SLC44A5: variants seen among roughly 807,000 people sequenced by gnomAD.
The protein encoded by SLC44A5 is choline transporter-like protein 5.
A neutral mutation model predicts 101.8 loss-of-function variants in SLC44A5; 57 were observed. The ratio of observed to expected loss-of-function variants is 0.56; its 90% CI spans 0.45 to 0.70. The LOEUF (loss-of-function observed/expected upper bound fraction) is 0.70. Among genes scored for constraint, SLC44A5 ranks in the 30% least tolerant of loss-of-function variants. The pLI, the probability that SLC44A5 is intolerant of heterozygous loss-of-function variation, is 0.00. For missense variants in SLC44A5, 737 were observed against 853.1 expected, an observed-to-expected ratio of 0.86 and a Z score of 1.70; for synonymous variants, 281 against 290.9, an observed-to-expected ratio of 0.97 and a Z score of 0.35.
chr1:75,377,368 C>A (rs1353786951), intron 3 of SLC44A5, among the ~76,000 whole-genome samples: 1 of 53,526 alleles, frequency 1.9e-5, no homozygotes, highest in African/African-American at 7.8e-5. Flanking sequence ...TACCCAGGGA[C>A]ACAAAAACTG....
At chr1:75,219,485 C>T (rs1647031927) in intron 15 of SLC44A5, 141 bp from the exon 16 acceptor site, 1 of 683,348 alleles carries the variant, frequency 1.5e-6, no homozygotes, top group Non-Finnish European at 2.6e-6. Flanking sequence ...ATCTATTTTT[C>T]AGGCCTAGAT....
At chr1:75,407,272 T>C (rs183020542) in intron 2 of SLC44A5, among the ~76,000 whole-genome samples, 14 of 152,172 alleles carry the variant, frequency 9.2e-5, no homozygotes, top group African/African-American at 3.4e-4. Context: ...ATCATGAAAA[T>C]GGCCATACTG....
intron 5 of SLC44A5, among the ~76,000 whole-genome samples, chr1:75,294,517 G>T (rs1262258928): frequency 6.6e-6 from 1 of 152,134 alleles, no homozygotes; most frequent in African/African-American, 2.4e-5. Flanking sequence ...ATGTTGAAGA[G>T]ATATCTGTAC....
the SLC44A5 span, among the ~76,000 whole-genome samples, chr1:75,706,001 T>G: frequency 1.3e-5 from 2 of 152,174 alleles, no homozygotes; most frequent in East Asian, 3.8e-4. Flanking sequence ...ACTTTGTTAA[T>G]TCCATTACTT....
chr1:75,662,393 T>C, the SLC44A5 span, among the ~76,000 whole-genome samples: 2 of 151,946 alleles, frequency 1.3e-5, no homozygotes, highest in Non-Finnish European at 2.9e-5. Context: ...GGTTGGATAA[T>C]AGGTACAAAA....
the SLC44A5 span, among the ~76,000 whole-genome samples, chr1:75,660,535 T>C: frequency 6.6e-6 from 1 of 152,168 alleles, no homozygotes; most frequent in African/African-American, 2.4e-5. Context: ...AGTCAAATTG[T>C]CCTCATTTGC....
chr1:75,243,966 T>A (rs928605080), intron 7 of SLC44A5, among the ~76,000 whole-genome samples: 3 of 152,022 alleles, frequency 2.0e-5, no homozygotes, highest in Non-Finnish European at 2.9e-5. Flanking sequence ...ACCTCCCTCA[T>A]CCTCTCTCTT....
upstream of SLC44A5, among the ~76,000 whole-genome samples, chr1:75,612,928 G>C (rs1263288951): frequency 6.6e-6 from 1 of 152,142 alleles, no homozygotes; most frequent in East Asian, 1.9e-4. Flanking sequence ...ATCAATATTG[G>C]ATTGTAAAAG....
At chr1:75,681,133 C>A in the SLC44A5 span, among the ~76,000 whole-genome samples, 3 of 151,838 alleles carry the variant, frequency 2.0e-5, no homozygotes, top group African/African-American at 7.3e-5. Flanking sequence ...GCTTACCAAC[C>A]AAAAAGAGTC....
intron 2 of SLC44A5, among the ~76,000 whole-genome samples, chr1:75,535,520 T>C (rs1465093877): frequency 1.3e-5 from 2 of 152,138 alleles, no homozygotes; most frequent in African/African-American, 4.8e-5. Context: ...CCCCCTAAGT[T>C]AGCCCAAAGA....
At position 75,202,521 on chromosome 1, in the gene SLC44A5, G is replaced by T. The variant is rs1308534841; in HGVS notation, c.*1206C>A. 6.6e-6 allele frequency: 1 copy of T among 152,050 alleles called. No homozygotes were observed. The highest frequency in any genetic ancestry group is 1.9e-4 in the East Asian group (1 of 5,192). 9.4% of individuals were successfully genotyped at this position (152,050 alleles called of 1,614,324 possible). Reference sequence around the variant, plus strand: ...ATTTCCTTAAAAGTTAGTAGTACTGGTAAAATTATTTAAAACTGAATTGGA... The same window carrying T: ...ATTTCCTTAAAAGTTAGTAGTACTGTTAAAATTATTTAAAACTGAATTGGA... On this transcript the variant is annotated 3_prime_UTR_variant, in exon 24 of 24. Coordinates refer to ENST00000370859, the MANE Select transcript of SLC44A5 (RefSeq NM_001130058.2).
intron 6 of SLC44A5, among the ~76,000 whole-genome samples, chr1:75,272,492 A>G (rs1651567990): frequency 6.6e-6 from 1 of 151,524 alleles, no homozygotes; most frequent in South Asian, 2.1e-4. Flanking sequence ...GAGTTTTTCC[A>G]ATGTTTTTTT....
At position 75,576,782 on chromosome 1, in the gene SLC44A5, G is replaced by A. The variant is rs140221694; in HGVS notation, c.-70+34258C>T. Among the ~76,000 whole-genome samples, 865 of 152,336 alleles carry A rather than the reference G, an allele frequency of 5.7e-3. 15 individuals are homozygous for A. The highest frequency in any genetic ancestry group is 0.035 in the Admixed American group (531 of 15,302). On this transcript the variant is annotated intron_variant, in intron 1 of 23. Transcript: ENST00000370859. ...CTCATGGTGCTTAGAAGCAGGGGCT[G>A]TGATGTCAGACTGCCCAGGCTTGAA...
At chr1:75,698,710 AC>A in the SLC44A5 span, among the ~76,000 whole-genome samples, 1 of 152,254 alleles carries the variant, frequency 6.6e-6, no homozygotes, top group East Asian at 1.9e-4. Flanking sequence ...ACTCCGAGCT[AC>A]AGGAGGACAC....
chr1:75,637,635 GT>G, the SLC44A5 span, among the ~76,000 whole-genome samples: 1 of 151,964 alleles, frequency 6.6e-6, no homozygotes, highest in Non-Finnish European at 1.5e-5. Flanking sequence ...ACTGAAAAAT[GT>G]TTAAAATGAC....
chr1:75,368,238 T>C (rs1205642647), intron 3 of SLC44A5, among the ~76,000 whole-genome samples: 1 of 152,220 alleles, frequency 6.6e-6, no homozygotes, highest in Non-Finnish European at 1.5e-5. Context: ...AAAGTTCTTA[T>C]CATAATCACA....
chr1:75,700,237 A>C, the SLC44A5 span, among the ~76,000 whole-genome samples: 1 of 152,208 alleles, frequency 6.6e-6, no homozygotes, highest in African/African-American at 2.4e-5. Context: ...CTATTCCAAA[A>C]TTGACCACAT....
chr1:75,389,078 CAAA>C (rs931969001), intron 3 of SLC44A5, among the ~76,000 whole-genome samples: 4 of 151,384 alleles, frequency 2.6e-5, no homozygotes, highest in Non-Finnish European at 5.9e-5. Context: ...GAAAAAAAGA[CAAA>C]AAAAGGGTAT....
rs185443181 is a variant in SLC44A5, at chr1:75,588,465, T to G, written c.-70+22575A>C. Among the ~76,000 whole-genome samples, 558 of 152,162 alleles carry G rather than the reference T, an allele frequency of 3.7e-3. 1 individual carries two copies. Among genetic ancestry groups the G allele is most frequent in the Non-Finnish European group, 6.3e-3 (429 of 68,002 alleles). On this transcript the variant is annotated intron_variant, in intron 1 of 23. Transcript: ENST00000370859. ...GATAAGGAGAGTGAAGTTGAAAGGT[T>G]AAGTCATGTGCCCAAAATCACAGAG...
Sources: gnomAD v4.1 joint callset for allele counts (sites outside exome capture counted in the v4.1 genomes callset) on GRCh38, gnomAD v4.1.1 for gene constraint, MANE v1.5 for transcripts, NCBI Gene and HGNC (gene_info 2026-07-23, HGNC 2026-07-21) for gene names.